The following CCDC192 variants were observed in gnomAD, a reference collection of about 807,000 sequenced individuals.
CCDC192 encodes the protein coiled-coil domain containing 192.
chr5:127,826,468 G>A (rs1749538712), intron 5 of CCDC192, among the ~76,000 whole-genome samples: 1 of 151,680 alleles, frequency 6.6e-6, no homozygotes, highest in South Asian at 2.1e-4. Context: ...TCTTTCTACT[G>A]AGAAAACATG....
At chr5:127,820,957 T>C (rs1175182497) in intron 5 of CCDC192, among the ~76,000 whole-genome samples, 4 of 152,178 alleles carry the variant, frequency 2.6e-5, no homozygotes, top group Non-Finnish European at 4.4e-5. Flanking sequence ...CCATGCTCTC[T>C]GGTCTCCATC....
chr5:127,831,061 A>T (rs1393492866), intron 5 of CCDC192, among the ~76,000 whole-genome samples: 1 of 152,152 alleles, frequency 6.6e-6, no homozygotes, highest in Non-Finnish European at 1.5e-5. Context: ...ACACTTCTAA[A>T]TTTGTACAAG....
At position 127,719,547 on chromosome 5, in the gene CCDC192, A is replaced by ATC. The variant is rs1393685106; in HGVS notation, c.114+11788_114+11789insCT. ...TATACACACATACATATATATATAT[A>ATC]TATATATATATACACACATACATAT... On this transcript the variant is annotated intron_variant, in intron 2 of 6. Transcript: ENST00000514853. Among the ~76,000 whole-genome samples, 11 of 37,280 alleles carry ATC rather than the reference A, an allele frequency of 3.0e-4. No homozygotes were observed. The South Asian group carries it at 4.2e-3, about 14-fold the overall frequency. 24.5% of individuals were successfully genotyped at this position (37,280 alleles called of 152,430 possible).
At chr5:127,839,071 T>C (rs1413936204) in intron 5 of CCDC192, among the ~76,000 whole-genome samples, 1 of 152,182 alleles carries the variant, frequency 6.6e-6, no homozygotes, top group East Asian at 1.9e-4. Context: ...TCTTCCTCCA[T>C]ATGGAAGGTA....
At chr5:127,925,981 A>G (rs975262025) in intron 6 of CCDC192, among the ~76,000 whole-genome samples, 2 of 152,230 alleles carry the variant, frequency 1.3e-5, no homozygotes, top group African/African-American at 2.4e-5. Flanking sequence ...CCAGAATCAC[A>G]GCAGATTCAC....
intron 3 of CCDC192, chr5:127,786,933 A>G (rs992970526): frequency 2.2e-5 from 9 of 409,978 alleles, no homozygotes; most frequent in Non-Finnish European, 3.8e-5. Flanking sequence ...GGACCTGGTC[A>G]TGCTGTGCCA....
At chr5:127,767,341 G>A (rs1306910789) in intron 3 of CCDC192, among the ~76,000 whole-genome samples, 2 of 152,196 alleles carry the variant, frequency 1.3e-5, no homozygotes, top group African/African-American at 4.8e-5. Context: ...ACCGTGGGGA[G>A]AGATCTTCGA....
chr5:127,740,099 C>G (rs554026552), intron 2 of CCDC192: 2 of 152,396 alleles, frequency 1.3e-5, no homozygotes, highest in South Asian at 4.1e-4. Flanking sequence ...GGAAATTATC[C>G]AAACAGAGAA....
intron 5 of CCDC192, among the ~76,000 whole-genome samples, chr5:127,825,756 G>A (rs711358): frequency 1 from 152,376 of 152,382 alleles, 76,185 homozygotes; most frequent in Non-Finnish European, 1. Context: ...ATGAATGATT[G>A]TAGATTATTA....
intron 6 of CCDC192, among the ~76,000 whole-genome samples, chr5:127,886,249 G>T (rs1039316256): frequency 2.0e-5 from 3 of 152,172 alleles, no homozygotes; most frequent in Non-Finnish European, 2.9e-5. Flanking sequence ...GTCAAGACAT[G>T]TTCCGGGGCT....
intron 5 of CCDC192, among the ~76,000 whole-genome samples, chr5:127,865,452 C>A (rs1010138075): frequency 1.3e-5 from 2 of 151,808 alleles, no homozygotes; most frequent in Non-Finnish European, 2.9e-5. Flanking sequence ...TTTTCCATCA[C>A]CTTTCAAGGT....
At chr5:127,778,290 C>T (rs1755990244) in intron 3 of CCDC192, among the ~76,000 whole-genome samples, 1 of 152,110 alleles carries the variant, frequency 6.6e-6, no homozygotes, top group Non-Finnish European at 1.5e-5. Flanking sequence ...GAGGAAGTTT[C>T]CTTTTCTTTT....
chr5:127,725,016 G>A (rs1463545660), intron 2 of CCDC192, among the ~76,000 whole-genome samples: 2 of 151,922 alleles, frequency 1.3e-5, no homozygotes, highest in Non-Finnish European at 2.9e-5. Context: ...AAGGATAAAG[G>A]CATAATAGAA....
chr5:127,877,867 C>A (rs952251682), intron 6 of CCDC192, among the ~76,000 whole-genome samples: 3 of 152,124 alleles, frequency 2.0e-5, no homozygotes, highest in African/African-American at 7.2e-5. Context: ...GGTTCTCAGA[C>A]CTCTGTTTGC....
At chr5:127,747,237 C>T (rs1250216077) in intron 2 of CCDC192, among the ~76,000 whole-genome samples, 2 of 151,950 alleles carry the variant, frequency 1.3e-5, no homozygotes, top group Non-Finnish European at 2.9e-5. Flanking sequence ...GGTATATCTC[C>T]CAATGCTATC....
At chr5:127,772,021 C>T (rs910830256) in intron 3 of CCDC192, among the ~76,000 whole-genome samples, 9 of 152,134 alleles carry the variant, frequency 5.9e-5, no homozygotes, top group East Asian at 1.9e-4. Flanking sequence ...GGCCTCAGTG[C>T]GCATTTCTTC....
chr5:127,885,361 G>C (rs1374465329), intron 6 of CCDC192, among the ~76,000 whole-genome samples: 1 of 152,188 alleles, frequency 6.6e-6, no homozygotes, highest in Non-Finnish European at 1.5e-5. Context: ...AACAGTCTTG[G>C]GCACTCCTTT....
chr5:127,779,470 T>C (rs2126928558), intron 3 of CCDC192, among the ~76,000 whole-genome samples: 1 of 151,296 alleles, frequency 6.6e-6, no homozygotes, highest in African/African-American at 2.5e-5. Context: ...TAATTTATTG[T>C]ATTTTTAGTA....
At chr5:127,706,547 A>AAT (rs35053788) in intron 1 of CCDC192, among the ~76,000 whole-genome samples, 7 of 150,848 alleles carry the variant, frequency 4.6e-5, no homozygotes. Context: ...AAAAAAAAAA[A>AAT]GTAAGGCTTT....
Sources: gnomAD v4.1 joint callset for allele counts (sites outside exome capture counted in the v4.1 genomes callset) on GRCh38, gnomAD v4.1.1 for gene constraint, MANE v1.5 for transcripts, NCBI Gene and HGNC (gene_info 2026-07-23, HGNC 2026-07-21) for gene names.